The following FOXP1 variants were observed in gnomAD, a reference collection of about 807,000 sequenced individuals.
The protein encoded by FOXP1 is forkhead box protein P1.
A neutral mutation model predicts 98.2 loss-of-function variants in FOXP1; 15 were observed. The observed-to-expected ratio is 0.15, with a 90% confidence interval of 0.10 to 0.24. The LOEUF is 0.24. FOXP1 is among the 10% of genes least tolerant of loss of function. The probability of loss-of-function intolerance (pLI) is 1.00; values close to 1 mark genes in which losing one functional copy is unlikely to be tolerated. For missense variants in FOXP1, 633 were observed against 848.5 expected (o/e 0.75, Z 3.15); for synonymous variants, 371 against 314.5 (o/e 1.18, Z -1.90).
intron 7 of FOXP1, among the ~76,000 whole-genome samples, chr3:71,055,814 T>A (rs1438693858): frequency 6.6e-6 from 1 of 152,206 alleles, no homozygotes; most frequent in Non-Finnish European, 1.5e-5. Flanking sequence ...AAGAACCATG[T>A]TTAAGGTTTC....
chr3:71,198,616 T>C (rs988689412), intron 5 of FOXP1, among the ~76,000 whole-genome samples: 2 of 152,218 alleles, frequency 1.3e-5, no homozygotes, highest in African/African-American at 2.4e-5. Flanking sequence ...AGTAGTATTG[T>C]TTTAAATATA....
intron 5 of FOXP1, among the ~76,000 whole-genome samples, chr3:71,209,990 T>C (rs2064331958): frequency 6.6e-6 from 1 of 152,186 alleles, no homozygotes. Context: ...CAGTGCAAAG[T>C]GCAGCAAAAC....
chr3:71,259,208 G>A (rs899939507), intron 5 of FOXP1, among the ~76,000 whole-genome samples: 7 of 152,254 alleles, frequency 4.6e-5, no homozygotes, highest in African/African-American at 7.2e-5. Flanking sequence ...GAGTGGGCAC[G>A]GCAACCAAAG....
At chr3:71,101,678 C>CAAAAAAAA (rs75384060) in intron 7 of FOXP1, among the ~76,000 whole-genome samples, 1 of 72,588 alleles carries the variant, frequency 1.4e-5, no homozygotes, top group Non-Finnish European at 3.4e-5. Context: ...TGGGAAAAAG[C>CAAAAAAAA]AAAAAAAAAA....
At chr3:71,137,383 C>T (rs887216322) in intron 6 of FOXP1, among the ~76,000 whole-genome samples, 3 of 152,194 alleles carry the variant, frequency 2.0e-5, no homozygotes, top group Non-Finnish European at 4.4e-5. Context: ...ATCCTCCATA[C>T]GGTCTGAGAT....
intron 3 of FOXP1, among the ~76,000 whole-genome samples, chr3:71,400,814 T>A (rs1021105588): frequency 6.6e-6 from 1 of 152,224 alleles, no homozygotes; most frequent in South Asian, 2.1e-4. Flanking sequence ...TACATTGTGT[T>A]AGATGTAGAA....
intron 6 of FOXP1, among the ~76,000 whole-genome samples, chr3:71,133,257 C>T (rs750943454): frequency 2.0e-5 from 3 of 152,180 alleles, no homozygotes; most frequent in Non-Finnish European, 4.4e-5. Flanking sequence ...TAAAGACCTT[C>T]ATTAGTATAA....
At chr3:71,507,847 G>A (rs1306109697) in intron 2 of FOXP1, among the ~76,000 whole-genome samples, 2 of 152,162 alleles carry the variant, frequency 1.3e-5, no homozygotes, top group Non-Finnish European at 2.9e-5. Context: ...AAAGTGCTGG[G>A]ATTACAGGCA....
At chr3:71,486,068 G>A (rs2090623139) in intron 3 of FOXP1, among the ~76,000 whole-genome samples, 1 of 152,020 alleles carries the variant, frequency 6.6e-6, no homozygotes, top group Non-Finnish European at 1.5e-5. Flanking sequence ...CAAAGATGAG[G>A]AAGTAGCATG....
intron 2 of FOXP1, among the ~76,000 whole-genome samples, chr3:71,562,000 T>C (rs919307960): frequency 1.3e-5 from 2 of 152,170 alleles, no homozygotes; most frequent in Admixed American, 1.3e-4. Context: ...TACTTCCATA[T>C]GTCTCCATCC....
At chr3:71,571,525 A>T (rs1054599070) in intron 2 of FOXP1, 1 of 152,216 alleles carries the variant, frequency 6.6e-6, no homozygotes, top group African/African-American at 2.4e-5. Flanking sequence ...AGTACAAATA[A>T]GCAAGTTGTC....
At position 71,488,685 on chromosome 3, in the gene FOXP1, G is replaced by A. The variant is rs182895661; in HGVS notation, c.-168+4741C>T. Among the ~76,000 whole-genome samples the A allele has an allele frequency of 3.1e-3, 477 of 152,272 alleles. 2 individuals are homozygous for A. Among genetic ancestry groups the A allele is most frequent in the Non-Finnish European group, 3.9e-3 (262 of 68,022 alleles). On this transcript the variant is annotated intron_variant, in intron 3 of 20. Transcript: ENST00000649528. ...AACTGGAGAGAAAGGCAAAATAAACGCATCGAAAATACTTCACAGATAAAA... is the reference window on the plus strand; with the variant it reads ...AACTGGAGAGAAAGGCAAAATAAACACATCGAAAATACTTCACAGATAAAA...
chr3:71,146,113 A>G lies in FOXP1; in HGVS notation c.181-33476T>C, dbSNP rs1430179984. 2.5e-4 allele frequency among the ~76,000 whole-genome samples: 38 copies of G among 152,212 alleles called. 1 individual carries two copies. Among genetic ancestry groups the G allele is most frequent in the Admixed American group, 2.5e-3 (38 of 15,284 alleles). Reference sequence around the variant, plus strand: ...AGTGCACAGAGAGGGAACAAACAGGATGCTGTCATGGCACAGGGAAGACTG... The same window carrying G: ...AGTGCACAGAGAGGGAACAAACAGGGTGCTGTCATGGCACAGGGAAGACTG... On this transcript the variant is annotated intron_variant, in intron 6 of 20. Coordinates refer to ENST00000649528, the MANE Select transcript of FOXP1 (RefSeq NM_001349338.3).
chr3:71,242,007 ATATGCTGATCAT>A (rs1426919186), intron 5 of FOXP1, among the ~76,000 whole-genome samples: 1 of 152,224 alleles, frequency 6.6e-6, no homozygotes, highest in African/African-American at 2.4e-5. Flanking sequence ...TAATGTTAAT[ATATGCTGATCAT>A]TTTCAGGTAA....
intron 4 of FOXP1, among the ~76,000 whole-genome samples, chr3:71,311,442 G>A (rs1293776309): frequency 6.6e-6 from 1 of 152,200 alleles, no homozygotes; most frequent in Non-Finnish European, 1.5e-5. Flanking sequence ...TAGGTGTTCA[G>A]TAAATACAGA....
chr3:71,134,669 A>G (rs980997794), intron 6 of FOXP1, among the ~76,000 whole-genome samples: 4 of 152,226 alleles, frequency 2.6e-5, no homozygotes, highest in African/African-American at 9.6e-5. Context: ...AGAAGCACGA[A>G]ATAGCCCATA....
At chr3:71,131,722 C>T (rs553974353) in intron 6 of FOXP1, among the ~76,000 whole-genome samples, 5 of 152,216 alleles carry the variant, frequency 3.3e-5, no homozygotes, top group South Asian at 4.2e-4. Context: ...GAAGATAAAC[C>T]GCCAGAAAAT....
intron 6 of FOXP1, among the ~76,000 whole-genome samples, chr3:71,183,559 G>A (rs895255797): frequency 6.6e-6 from 1 of 152,134 alleles, no homozygotes; most frequent in African/African-American, 2.4e-5. Context: ...TTACCATGTG[G>A]TGTGCAAACT....
chr3:71,581,031 T>C (rs1245113303), intron 2 of FOXP1: 1 of 981,508 alleles, frequency 1.0e-6, no homozygotes, highest in Non-Finnish European at 1.2e-6. Flanking sequence ...TTAATTTCAT[T>C]ATTCTGCCCA....
Sources: gnomAD v4.1 joint callset for allele counts (sites outside exome capture counted in the v4.1 genomes callset) on GRCh38, gnomAD v4.1.1 for gene constraint, MANE v1.5 for transcripts, NCBI Gene and HGNC (gene_info 2026-07-23, HGNC 2026-07-21) for gene names.